CLHC1: variants seen among roughly 807,000 people sequenced by gnomAD.
CLHC1 encodes clathrin heavy chain linker domain containing 1, also known as clathrin heavy chain linker domain-containing protein 1.
In CLHC1, 72 loss-of-function variants were observed where a neutral mutation model predicts 69.5. The observed-to-expected ratio is 1.04, with a 90% confidence interval of 0.86 to 1.26. The LOEUF is 1.26. Among genes scored for constraint, CLHC1 ranks in the 50% most tolerant of loss-of-function variants. The pLI, the probability that CLHC1 is intolerant of heterozygous loss-of-function variation, is 0.00. For missense variants in CLHC1, 790 were observed against 679.3 expected (o/e 1.16, Z -1.81); for synonymous variants, 223 against 224.3 (o/e 0.99, Z 0.05).
In CLHC1 at chr2:55,212,687, G is replaced by C; in HGVS notation, c.485C>G (p.Ser162Ter). 6.3e-7 allele frequency: 1 copy of C among 1,598,764 alleles called. No individual in the cohort carries two copies. The highest frequency in any genetic ancestry group is 8.6e-7 in the Non-Finnish European group (1 of 1,166,480). Residue 162 changes from serine (S) to a stop codon, truncating the protein, a stop_gained, in exon 5 of 13, where the codon TCA becomes TGA. Coordinates refer to ENST00000401408, the MANE Select transcript of CLHC1 (RefSeq NM_152385.4). LOFTEE classifies it high-confidence loss of function. ...VKYCTFSKDPSKPIPGMTLQE... is the reference protein window; with the variant it reads ...VKYCTFSKDP ...AAATACAATACCTGGAATAGGTTTTGAAGGATCTTTGGAGAAAGTACAATA... is the reference window on the plus strand; with the variant it reads ...AAATACAATACCTGGAATAGGTTTTCAAGGATCTTTGGAGAAAGTACAATA...
chr2:55,184,717 C>T (rs911216403), intron 9 of CLHC1, among the ~76,000 whole-genome samples: 3 of 151,906 alleles, frequency 2.0e-5, no homozygotes, highest in African/African-American at 7.3e-5. Context: ...CCAGTCTAAC[C>T]AACAGGGTGA....
chr2:55,177,119 C>T (rs984221585), intron 12 of CLHC1, among the ~76,000 whole-genome samples: 5 of 152,250 alleles, frequency 3.3e-5, no homozygotes, highest in East Asian at 1.9e-4. Flanking sequence ...GCGATCCACC[C>T]GCCTCAGCCC....
At chr2:55,211,760 T>G (rs958762309) in intron 5 of CLHC1, among the ~76,000 whole-genome samples, 4 of 152,154 alleles carry the variant, frequency 2.6e-5, no homozygotes, top group Admixed American at 2.6e-4. Context: ...CCAGGATGAA[T>G]ATCTGTAATT....
At chr2:55,214,333 C>G (rs1162954184) in intron 4 of CLHC1, 1 of 152,224 alleles carries the variant, frequency 6.6e-6, no homozygotes, top group Non-Finnish European at 1.5e-5. Flanking sequence ...CATGGTGAAA[C>G]CCCATCTCTA....
At chr2:55,186,301 C>CACAATATTATCAATGTAAAAAGCTT (rs1445590370) in intron 9 of CLHC1, among the ~76,000 whole-genome samples, 2 of 152,096 alleles carry the variant, frequency 1.3e-5, no homozygotes, top group Non-Finnish European at 2.9e-5. Flanking sequence ...AAATTAAGCT[C>CACAATATTATCAATGTAAAAAGCTT]ACAATATTAT....
At chr2:55,205,025 G>C (rs926509450) in intron 9 of CLHC1, among the ~76,000 whole-genome samples, 8 of 152,008 alleles carry the variant, frequency 5.3e-5, no homozygotes, top group African/African-American at 1.9e-4. Context: ...CCCAAAGCAG[G>C]GAAATCTACA....
At chr2:55,222,003 A>G (rs1674172721) in intron 3 of CLHC1, among the ~76,000 whole-genome samples, 1 of 152,214 alleles carries the variant, frequency 6.6e-6, no homozygotes, top group Admixed American at 6.5e-5. Context: ...GAAACTTATA[A>G]TCTGCTCTCA....
At chr2:55,200,146 T>C (rs760569148) in intron 9 of CLHC1, among the ~76,000 whole-genome samples, 2 of 147,754 alleles carry the variant, frequency 1.4e-5, no homozygotes, top group Non-Finnish European at 3.0e-5. Flanking sequence ...TAGGATCACT[T>C]GAGCCCAGGA....
At position 55,207,277 on chromosome 2, in the gene CLHC1, A is replaced by G. The variant is rs573445088; in HGVS notation, c.900-901T>C. Among the ~76,000 whole-genome samples, 3 of 152,344 alleles carry G rather than the reference A, an allele frequency of 2.0e-5. No individual in the cohort carries two copies. In the East Asian group the frequency reaches 5.8e-4, roughly 29 times the overall value. Reference sequence around the variant, plus strand: ...AAGCCTCTACTCCTCTTCCTATGGCAAAAGGTCTTCAAATCAGTCCTTACC... The same window carrying G: ...AAGCCTCTACTCCTCTTCCTATGGCGAAAGGTCTTCAAATCAGTCCTTACC... On this transcript the variant is annotated intron_variant, in intron 8 of 12. Transcript: ENST00000401408.
intron 1 of CLHC1, among the ~76,000 whole-genome samples, chr2:55,228,854 C>T (rs1674968289): frequency 1.3e-5 from 2 of 151,788 alleles, no homozygotes; most frequent in Admixed American, 1.3e-4. Context: ...AGACAACACA[C>T]AAGAAAAAAA....
At chr2:55,201,129 A>G (rs182935916) in intron 9 of CLHC1, among the ~76,000 whole-genome samples, 1 of 152,222 alleles carries the variant, frequency 6.6e-6, no homozygotes, top group Admixed American at 6.5e-5. Context: ...AAGAACTAGA[A>G]AAGCAAGAGT....
At chr2:55,201,243 TAA>T (rs35586370) in intron 9 of CLHC1, among the ~76,000 whole-genome samples, 9,758 of 141,264 alleles carry the variant, frequency 0.069, 421 homozygotes, top group Admixed American at 0.14. Flanking sequence ...ATGAAGAGTT[TAA>T]AAAAAAAAAA....
intron 12 of CLHC1, among the ~76,000 whole-genome samples, chr2:55,176,337 A>G (rs539721206): frequency 7.2e-5 from 11 of 152,294 alleles, no homozygotes; most frequent in Non-Finnish European, 1.2e-4. Flanking sequence ...ATCCTTATTC[A>G]CAGAGTCTAT....
At chr2:55,202,965 A>G (rs1421146091) in intron 9 of CLHC1, among the ~76,000 whole-genome samples, 1 of 152,136 alleles carries the variant, frequency 6.6e-6, no homozygotes, top group Non-Finnish European at 1.5e-5. Context: ...AAATCAACAT[A>G]TAAAAATCAG....
chr2:55,201,760 C>G (rs1573677655), intron 9 of CLHC1, among the ~76,000 whole-genome samples: 3 of 152,138 alleles, frequency 2.0e-5, no homozygotes, highest in Admixed American at 2.0e-4. Flanking sequence ...ATGCAAAAAT[C>G]ATCAACAAAA....
intron 1 of CLHC1, among the ~76,000 whole-genome samples, chr2:55,230,938 G>A (rs569892581): frequency 5.3e-5 from 8 of 152,240 alleles, no homozygotes; most frequent in South Asian, 2.1e-4. Flanking sequence ...AGACTAGTTG[G>A]CGGACTAGGG....
At position 55,206,368 on chromosome 2, in the gene CLHC1, T is replaced by C; in HGVS notation, c.908A>G (p.Glu303Gly). 6.3e-7 allele frequency: 1 copy of C among 1,574,894 alleles called. No individual in the cohort carries two copies. The highest frequency in any genetic ancestry group is 8.7e-7 in the Non-Finnish European group (1 of 1,145,556). The change falls in exon 9 of 13, where the codon GAG becomes GGG. Residue 303 changes from glutamate to glycine, a missense_variant. Transcript: ENST00000401408. ...TTCATATTCACCAAGTGAGATTAACTCATTAAACCTATAGCCATCACATTT... is the reference window on the plus strand; with the variant it reads ...TTCATATTCACCAAGTGAGATTAACCCATTAAACCTATAGCCATCACATTT... ...IMLHYIERFN[E>G]LISLGEYEKA... is the part of the protein sequence containing the mutation.
At chr2:55,205,369 T>A (rs1310469919) in intron 9 of CLHC1, among the ~76,000 whole-genome samples, 3 of 151,622 alleles carry the variant, frequency 2.0e-5, no homozygotes, top group Non-Finnish European at 4.4e-5. Flanking sequence ...TCAACCTAAG[T>A]GTCCATCAAG....
intron 9 of CLHC1, among the ~76,000 whole-genome samples, chr2:55,186,588 T>TACA (rs141056218): frequency 7.9e-5 from 12 of 151,900 alleles, no homozygotes; most frequent in South Asian, 2.1e-4. Flanking sequence ...ATGTCATCTC[T>TACA]ACAACAACAA....
Sources: gnomAD v4.1 joint callset for allele counts (sites outside exome capture counted in the v4.1 genomes callset) on GRCh38, gnomAD v4.1.1 for gene constraint, MANE v1.5 for transcripts, NCBI Gene and HGNC (gene_info 2026-07-23, HGNC 2026-07-21) for gene names.